Variants in ITGB4 observed in about 807,000 individuals in gnomAD.
ITGB4 encodes integrin beta-4.
A neutral mutation model predicts 207.6 loss-of-function variants in ITGB4; 159 were observed. The observed-to-expected ratio is 0.77, with a 90% CI of 0.67 to 0.87. The LOEUF (loss-of-function observed/expected upper bound fraction) is 0.87. Ranked by LOEUF, ITGB4 falls within the 40% of genes least tolerant of loss-of-function variation. The pLI, the probability that ITGB4 is intolerant of heterozygous loss-of-function variation, is 0.00. For synonymous variants in ITGB4, 1,020 were observed against 1,062.7 expected, an observed-to-expected ratio of 0.96 and a Z score of 0.78; for missense variants, 2,278 against 2,546.8, an observed-to-expected ratio of 0.89 and a Z score of 2.27.
chr17:75,733,115 G>A (rs996609290), intron 12 of ITGB4, among the ~76,000 whole-genome samples: 18 of 150,376 alleles, frequency 1.2e-4, no homozygotes, highest in Middle Eastern at 3.8e-3. Context: ...TAGGCCAGGC[G>A]CGGTGGCTTA....
Position 75,732,027 on chromosome 17 carries a change from A to C in ITGB4, c.1377+54A>C, listed in dbSNP as rs2060872525. 1 of 1,612,684 alleles carries C rather than the reference A, an allele frequency of 6.2e-7. No individual in the cohort carries two copies. ...GGAGAGCTGAGCCAAGCACCCAGGG[A>C]CCCTGAGGAATGAAGCAGGACTCCT... On this transcript the variant is annotated intron_variant, in intron 11 of 39. Coordinates refer to ENST00000200181, the MANE Select transcript of ITGB4 (RefSeq NM_000213.5). This position sits in a 1 kb window ranked among gnomAD's most constrained non-coding sequence, Gnocchi z 5.3.
In ITGB4 at chr17:75,733,823, C is replaced by T. The variant is rs1599241474; in HGVS notation, c.1657+131C>T. 3.8e-6 allele frequency: 4 copies of T among 1,049,084 alleles called. No homozygotes were observed. In the East Asian group the frequency reaches 1.0e-4, roughly 27 times the overall value. The allele number at this position is 1,049,084 out of a possible 1,614,324, so 65.0% of individuals were successfully genotyped here. On this transcript the variant is annotated intron_variant, in intron 13 of 39. Coordinates refer to ENST00000200181, the MANE Select transcript of ITGB4 (RefSeq NM_000213.5). ...AATCCCCAAGTTCAGGCCCAGCCCA[C>T]TCTGGATGCCCTGAGGGCCGCCCCT...
chr17:75,736,506 G>T (rs1479375187), intron 15 of ITGB4, 59 bp from the exon 16 acceptor site: 1 of 1,596,268 alleles, frequency 6.3e-7, no homozygotes, highest in African/African-American at 1.3e-5. Flanking sequence ...TTGGGGAGCG[G>T]GGGTCTGGCA....
At chr17:75,743,952 G>C (rs2061176187) in intron 26 of ITGB4, 91 bp downstream of exon 26, 2 of 1,391,180 alleles carry the variant, frequency 1.4e-6, no homozygotes, top group Non-Finnish European at 2.0e-6. Context: ...CATGGCAGCT[G>C]CTTGAGTCCC....
At chr17:75,728,257 C>A in intron 5 of ITGB4, 120 bp from the exon 6 acceptor site, 1 of 788,130 alleles carries the variant, frequency 1.3e-6, no homozygotes, top group Non-Finnish European at 2.2e-6. Context: ...GAACCTTTGT[C>A]CAGCATGCAA....
Position 75,732,247 on chromosome 17 carries a change from G to C in ITGB4, c.1454+8G>C. 2 of 1,613,808 alleles carry C rather than the reference G, an allele frequency of 1.2e-6. No individual in the cohort carries two copies. Among genetic ancestry groups the C allele is most frequent in the Non-Finnish European group, 1.7e-6 (2 of 1,179,916 alleles). Reference sequence around the variant, plus strand: ...TGTGTGCAGCGAGGGCTGGTGAGTGGGGAAGGGAGTTGGGCACCCAGGACA... The same window carrying C: ...TGTGTGCAGCGAGGGCTGGTGAGTGCGGAAGGGAGTTGGGCACCCAGGACA... On this transcript the variant is annotated splice_region_variant and intron_variant, in intron 12 of 39. Transcript: ENST00000200181. This position sits in a 1 kb window ranked among gnomAD's most constrained non-coding sequence, Gnocchi z 5.3.
chr17:75,737,434 CAAG>C lies in ITGB4; in HGVS notation c.2110_2112del (p.Lys704del), dbSNP rs1568359468. On this transcript the variant is annotated inframe_deletion, in exon 17 of 40. Coordinates refer to ENST00000200181, the MANE Select transcript of ITGB4 (RefSeq NM_000213.5). ...GGCCCAACAGCACTGTCCTGGTGCA[CAAG>C]AAGAAGGGTGAGCTGGTGGGGCCGG... 1.9e-6 allele frequency: 3 copies of C among 1,555,172 alleles called. No individual in the cohort carries two copies. Among genetic ancestry groups the C allele is most frequent in the Admixed American group, 2.0e-5 (1 of 51,244 alleles).
chr17:75,735,159 C>T lies in ITGB4; in HGVS notation c.1658-892C>T, dbSNP rs536616740. Among the ~76,000 whole-genome samples the T allele has an allele frequency of 1.8e-4, 28 of 152,136 alleles. No individual in the cohort carries two copies. In the South Asian group the frequency reaches 5.8e-3, roughly 32 times the overall value. Reference sequence around the variant, plus strand: ...CTAGAGTGCAGTGGCATGATCTCAGCTCACTACAACCTCTGCCTCCCAGGT... The same window carrying T: ...CTAGAGTGCAGTGGCATGATCTCAGTTCACTACAACCTCTGCCTCCCAGGT... On this transcript the variant is annotated intron_variant, in intron 13 of 39. Transcript: ENST00000200181.
Position 75,755,707 on chromosome 17 carries a change from G to A in ITGB4, c.4565G>A (p.Arg1522His), listed in dbSNP as rs775852591. Residue 1522 changes from arginine (R) to histidine (H), a missense_variant, in exon 35 of 40, where the codon CGC becomes CAC. Arg to His is a conservative substitution (Grantham distance 29). Transcript: ENST00000200181. Reference protein sequence around the residue: ...TLTSVSSHDSRLTAGVPDTPT... With the variant: ...TLTSVSSHDSHLTAGVPDTPT... ...TGCGGCCTCCTGTCCCCAGACTCTC[G>A]CCTGACTGCTGGTGTGCCCGACACG... The A allele has an allele frequency of 2.2e-5, 35 of 1,612,704 alleles. No individual in the cohort carries two copies. Among genetic ancestry groups the A allele is most frequent in the African/African-American group, 1.2e-4 (9 of 74,878 alleles).
chr17:75,741,110 G>A, intron 23 of ITGB4, 105 bp downstream of exon 23: 1 of 1,309,952 alleles, frequency 7.6e-7, no homozygotes, highest in East Asian at 2.4e-5. Flanking sequence ...CCCATAGGAA[G>A]GGAGGGTCAG....
intron 37 of ITGB4, 34 bp from the exon 38 acceptor site, chr17:75,756,909 G>GA (rs751443862): frequency 1.2e-6 from 2 of 1,612,180 alleles, no homozygotes; most frequent in South Asian, 2.2e-5. Context: ...GTAAAGAGGG[G>GA]GCCGCAGACG....
At position 75,742,221 on chromosome 17, in the gene ITGB4, C is replaced by T; in HGVS notation, c.2634-120C>T. On this transcript the variant is annotated intron_variant, in intron 23 of 39. Coordinates refer to ENST00000200181, the MANE Select transcript of ITGB4 (RefSeq NM_000213.5). This position sits in a 1 kb window ranked among gnomAD's most constrained non-coding sequence, Gnocchi z 5.9. ...CTGGAGCACTGCCTGCCTCTGAAGACCCTGCACTTCTTGCTGTCTTACATC... is the reference window on the plus strand; with the variant it reads ...CTGGAGCACTGCCTGCCTCTGAAGATCCTGCACTTCTTGCTGTCTTACATC... 7.7e-7 allele frequency: 1 copy of T among 1,291,134 alleles called. No homozygotes were observed. Among genetic ancestry groups the T allele is most frequent in the Non-Finnish European group, 1.1e-6 (1 of 908,770 alleles). The allele number at this position is 1,291,134 out of a possible 1,614,324, so 80.0% of individuals were successfully genotyped here.
At chr17:75,745,779 C>T (rs999531313) in intron 26 of ITGB4, among the ~76,000 whole-genome samples, 2 of 151,820 alleles carry the variant, frequency 1.3e-5, no homozygotes, top group Admixed American at 6.6e-5. Context: ...CCCGGGAGGC[C>T]GAGGCAGGAG....
Position 75,739,998 on chromosome 17 carries a change from C to CT in ITGB4, c.2374dup (p.Trp792LeufsTer45). ...ACCTCAAGGGCCGTGACGTGGTCCG[C>CT]TGGAAGGTCACCAACAACATGCAGC... On this transcript the variant is annotated frameshift_variant, in exon 20 of 40. Coordinates refer to ENST00000200181, the MANE Select transcript of ITGB4 (RefSeq NM_000213.5). LOFTEE classifies it high-confidence loss of function. This position sits in a 1 kb window ranked among gnomAD's most constrained non-coding sequence, Gnocchi z 5.4. 6.2e-7 allele frequency: 1 copy of CT among 1,613,236 alleles called. No individual in the cohort carries two copies. Among genetic ancestry groups the CT allele is most frequent in the Non-Finnish European group, 8.5e-7 (1 of 1,180,034 alleles).
Position 75,753,978 on chromosome 17 carries a change from A to T in ITGB4, c.4318+4A>T. On this transcript the variant is annotated splice_donor_region_variant and intron_variant, in intron 33 of 39. Transcript: ENST00000200181. ...GCGACACCCGGGCCCCCCGGAGGTG[A>T]CAGGCTCACCCGCCGCCCCCCGATC... 1 of 1,231,450 alleles carries T rather than the reference A, an allele frequency of 8.1e-7. No homozygotes were observed. Among genetic ancestry groups the T allele is most frequent in the Non-Finnish European group, 1.0e-6 (1 of 980,832 alleles). The allele number at this position is 1,231,450 out of a possible 1,614,324, so 76.3% of individuals were successfully genotyped here. A position where few individuals can be genotyped will look rare whatever the true frequency, so the allele number is the denominator to read the frequency against.
chr17:75,737,247 C>A (rs867595613), intron 16 of ITGB4, 75 bp from the exon 17 acceptor site: 3 of 1,540,236 alleles, frequency 1.9e-6, no homozygotes, highest in South Asian at 2.4e-5. Flanking sequence ...GAGTAGGGGC[C>A]CCCTCACCAG....
chr17:75,755,203 C>T (rs759866578), intron 34 of ITGB4: 19 of 1,604,268 alleles, frequency 1.2e-5, no homozygotes, highest in Non-Finnish European at 1.5e-5. Flanking sequence ...CAGCGCCCTC[C>T]TGGGGCCCAG....
At chr17:75,752,660 G>C in intron 32 of ITGB4, 83 bp downstream of exon 32, 1 of 1,563,244 alleles carries the variant, frequency 6.4e-7, no homozygotes, top group Non-Finnish European at 8.8e-7. Context: ...GAGGGCAAAG[G>C]GGCCAGCAAC....
chr17:75,748,197 C>CAAAAA (rs57537115), intron 26 of ITGB4, among the ~76,000 whole-genome samples: 52 of 77,880 alleles, frequency 6.7e-4, no homozygotes, highest in East Asian at 1.4e-3. Flanking sequence ...CGTGCCTCTA[C>CAAAAA]AAAAAAAAAA....
Sources: gnomAD v4.1 joint callset for allele counts (sites outside exome capture counted in the v4.1 genomes callset) on GRCh38, gnomAD v4.1.1 for gene constraint, Gnocchi (gnomAD v3.1) non-coding constraint, MANE v1.5 for transcripts, NCBI Gene and HGNC (gene_info 2026-07-23, HGNC 2026-07-21) for gene names.